The following KIRREL3 variants were observed in gnomAD, a reference collection of about 807,000 sequenced individuals.
KIRREL3 encodes kirre like nephrin family adhesion molecule 3, also known as kin of IRRE-like protein 3.
Under a neutral mutation model 89.7 loss-of-function variants are expected in KIRREL3, and 36 were observed. The ratio of observed to expected loss-of-function variants is 0.40; its 90% confidence interval spans 0.31 to 0.53. KIRREL3 has a LOEUF of 0.53. Among genes scored for constraint, KIRREL3 ranks in the 20% least tolerant of loss-of-function variants. The pLI is 0.49. For synonymous variants in KIRREL3, 445 were observed against 441.4 expected, an observed-to-expected ratio of 1.01 and a Z score of -0.10; for missense variants, 864 against 1,056.6, an observed-to-expected ratio of 0.82 and a Z score of 2.53.
In KIRREL3 at chr11:126,495,077, T is replaced by C. The variant is rs748092351; in HGVS notation, c.434-21611A>G. On this transcript the variant is annotated intron_variant, in intron 4 of 16. Transcript: ENST00000525144. The surrounding 1 kb of genome is among the most constrained non-coding windows in gnomAD (Gnocchi z 6.5). ...TTCCAGTGGGCACTGAGCACTTAGCTGGCCCCTCTTAGGCCCTGACCTCCA... is the reference window on the plus strand; with the variant it reads ...TTCCAGTGGGCACTGAGCACTTAGCCGGCCCCTCTTAGGCCCTGACCTCCA... Among the ~76,000 whole-genome samples, 3 of 152,212 alleles carry C rather than the reference T, an allele frequency of 2.0e-5. No homozygotes were observed. Among genetic ancestry groups the C allele is most frequent in the Admixed American group, 6.5e-5 (1 of 15,286 alleles).
intron 1 of KIRREL3, among the ~76,000 whole-genome samples, chr11:126,711,426 G>A (rs1235050924): frequency 6.6e-6 from 1 of 152,156 alleles, no homozygotes; most frequent in Non-Finnish European, 1.5e-5. Context: ...CTGGGGGGTG[G>A]TGGCTCATGC....
chr11:126,599,093 C>T (rs781318377), intron 1 of KIRREL3, among the ~76,000 whole-genome samples: 12 of 152,232 alleles, frequency 7.9e-5, no homozygotes, highest in Non-Finnish European at 1.5e-4. Flanking sequence ...GGCCTCACCC[C>T]TCCTTGCTGG....
intron 8 of KIRREL3, 122 bp downstream of exon 8, chr11:126,448,887 C>T: frequency 9.5e-7 from 1 of 1,056,046 alleles, no homozygotes; most frequent in African/African-American, 1.6e-5. Flanking sequence ...TGCAAACCAT[C>T]CTACGCTCAT....
chr11:126,526,427 A>C lies in KIRREL3; in HGVS notation c.283+111T>G. On this transcript the variant is annotated intron_variant, in intron 3 of 16. Coordinates refer to ENST00000525144, the MANE Select transcript of KIRREL3 (RefSeq NM_032531.4). The surrounding 1 kb of genome is among the most constrained non-coding windows in gnomAD (Gnocchi z 5.7). Reference sequence around the variant, plus strand: ...TGCCTGAGGAGTTGCAGTGAAAGCTAGAGATTCGATACTCAGACACCTGTG... The same window carrying C: ...TGCCTGAGGAGTTGCAGTGAAAGCTCGAGATTCGATACTCAGACACCTGTG... 1.5e-4 allele frequency: 164 copies of C among 1,063,960 alleles called. No homozygotes were observed. Among genetic ancestry groups the C allele is most frequent in the Non-Finnish European group, 2.0e-4 (146 of 736,922 alleles). The allele number at this position is 1,063,960 out of a possible 1,614,324, so 65.9% of individuals were successfully genotyped here.
rs1245235836 is a variant in KIRREL3, at chr11:126,738,014, A to C, written c.56-175102T>G. ...CCTTCCTCATTAACCATCCCACTTT[A>C]TCTCTCCCTTCCCACTACCCTTCCC... On this transcript the variant is annotated intron_variant, in intron 1 of 16. Coordinates refer to ENST00000525144, the MANE Select transcript of KIRREL3 (RefSeq NM_032531.4). 2.6e-5 allele frequency among the ~76,000 whole-genome samples: 4 copies of C among 152,040 alleles called. No individual in the cohort carries two copies. In the Middle Eastern group the frequency reaches 0.01, roughly 388 times the overall value.
intron 1 of KIRREL3, among the ~76,000 whole-genome samples, chr11:126,674,435 G>C (rs1212675655): frequency 1.3e-5 from 2 of 152,226 alleles, no homozygotes; most frequent in Non-Finnish European, 2.9e-5. Context: ...GCTTGAGCCA[G>C]TAAAGATGAT....
Position 126,769,470 on chromosome 11 carries a change from A to C in KIRREL3, c.56-206558T>G, listed in dbSNP as rs1219366289. Among the ~76,000 whole-genome samples the C allele has an allele frequency of 6.6e-6, 1 of 152,184 alleles. No homozygotes were observed. The highest frequency in any genetic ancestry group is 1.5e-5 in the Non-Finnish European group (1 of 68,028). ...CAAGAAGAGGGGCCCACTCCCCGTG[A>C]AAACCGTGCACTCCTGTCTTCTCTC... On this transcript the variant is annotated intron_variant, in intron 1 of 16. Transcript: ENST00000525144. This position sits in a 1 kb window ranked among gnomAD's most constrained non-coding sequence, Gnocchi z 4.3.
intron 1 of KIRREL3, among the ~76,000 whole-genome samples, chr11:126,591,965 C>T (rs1338271440): frequency 6.6e-6 from 1 of 152,194 alleles, no homozygotes; most frequent in Non-Finnish European, 1.5e-5. Context: ...ATAGGGCCAA[C>T]AGCTCCCACC....
intron 1 of KIRREL3, among the ~76,000 whole-genome samples, chr11:126,580,125 G>A (rs1203546175): frequency 7.2e-5 from 11 of 152,162 alleles, no homozygotes; most frequent in African/African-American, 2.7e-4. Context: ...GATTACAGGC[G>A]TGAGCCACCA....
intron 1 of KIRREL3, among the ~76,000 whole-genome samples, chr11:126,913,665 G>C (rs1043323140): frequency 1.2e-4 from 19 of 152,210 alleles, no homozygotes; most frequent in African/African-American, 4.6e-4. Context: ...CAACAAAATT[G>C]CTTATTGCTT....
At chr11:126,869,983 C>T (rs1945053535) in intron 1 of KIRREL3, among the ~76,000 whole-genome samples, 1 of 152,204 alleles carries the variant, frequency 6.6e-6, no homozygotes, top group African/African-American at 2.4e-5. Flanking sequence ...CCTGAGTGAC[C>T]TTTCAAATGG....
intron 1 of KIRREL3, among the ~76,000 whole-genome samples, chr11:126,859,393 C>T (rs998195245): frequency 2.0e-5 from 3 of 152,102 alleles, no homozygotes; most frequent in African/African-American, 4.8e-5. Flanking sequence ...TGGATTGGAC[C>T]AAGGCAATCT....
Position 126,739,784 on chromosome 11 carries a change from CAG to C in KIRREL3, c.56-176874_56-176873del, listed in dbSNP as rs1482958645. 6.6e-6 allele frequency among the ~76,000 whole-genome samples: 1 copy of C among 152,186 alleles called. No homozygotes were observed. The highest frequency in any genetic ancestry group is 1.5e-5 in the Non-Finnish European group (1 of 68,044). ...ACACTGCAAATCAGGCAGCATGTATCAGAGTTTAAAAACCTCAGGGAGTTTTG... is the reference window on the plus strand; with the variant it reads ...ACACTGCAAATCAGGCAGCATGTATCAGTTTAAAAACCTCAGGGAGTTTTG... On this transcript the variant is annotated intron_variant, in intron 1 of 16. Transcript: ENST00000525144. The surrounding 1 kb of genome is among the most constrained non-coding windows in gnomAD (Gnocchi z 5.5).
intron 4 of KIRREL3, among the ~76,000 whole-genome samples, chr11:126,479,065 C>T (rs895368903): frequency 3.9e-5 from 6 of 152,102 alleles, no homozygotes; most frequent in Non-Finnish European, 5.9e-5. Context: ...GGCGGCAGGC[C>T]GAGCATGGTG....
At chr11:126,871,553 TCTC>T (rs371939496) in intron 1 of KIRREL3, among the ~76,000 whole-genome samples, 44 of 152,282 alleles carry the variant, frequency 2.9e-4, no homozygotes, top group African/African-American at 1.1e-3. Context: ...AAGTAGTCAT[TCTC>T]CTGGACTCTT....
At chr11:126,613,671 T>C (rs1421572343) in intron 1 of KIRREL3, among the ~76,000 whole-genome samples, 6 of 152,058 alleles carry the variant, frequency 3.9e-5, no homozygotes, top group African/African-American at 1.2e-4. Context: ...AAAAAGAAAA[T>C]AAATGCCTTC....
chr11:126,470,963 G>A (rs1463122002), intron 5 of KIRREL3, among the ~76,000 whole-genome samples: 1 of 152,204 alleles, frequency 6.6e-6, no homozygotes, highest in East Asian at 1.9e-4. Flanking sequence ...GCACAGTTTT[G>A]TTGAGTGGAG....
intron 1 of KIRREL3, among the ~76,000 whole-genome samples, chr11:126,779,604 A>G (rs1950266549): frequency 6.6e-6 from 1 of 152,162 alleles, no homozygotes; most frequent in Admixed American, 6.6e-5. Flanking sequence ...GAATCAGGAC[A>G]TTTTAAAATT....
intron 4 of KIRREL3, among the ~76,000 whole-genome samples, chr11:126,509,991 C>CAGAAAAAAA (rs1958154559): frequency 1.6e-5 from 1 of 62,062 alleles, no homozygotes; most frequent in Non-Finnish European, 2.8e-5. Flanking sequence ...GACTCCGTCT[C>CAGAAAAAAA]AAAAAAAAAA....
Sources: gnomAD v4.1 joint callset for allele counts (sites outside exome capture counted in the v4.1 genomes callset) on GRCh38, gnomAD v4.1.1 for gene constraint, Gnocchi (gnomAD v3.1) non-coding constraint, MANE v1.5 for transcripts, NCBI Gene and HGNC (gene_info 2026-07-23, HGNC 2026-07-21) for gene names.